The following NSD1 variants were observed in gnomAD, a reference collection of about 807,000 sequenced individuals.
The protein encoded by NSD1 is nuclear receptor binding SET domain protein 1, also known as histone-lysine N-methyltransferase, H3 lysine-36 specific.
Under a neutral mutation model 242.7 loss-of-function variants are expected in NSD1, and 26 were observed. The ratio of observed to expected loss-of-function variants is 0.11; its 90% CI spans 0.08 to 0.15. The LOEUF (loss-of-function observed/expected upper bound fraction) is 0.15. Among genes scored for constraint, NSD1 ranks in the 10% least tolerant of loss-of-function variants. The pLI, the probability that NSD1 is intolerant of heterozygous loss-of-function variation, is 1.00. For synonymous variants in NSD1, 1,106 were observed against 1,178.1 expected, an observed-to-expected ratio of 0.94 and a Z score of 1.25; for missense variants, 2,495 against 3,272.8, an observed-to-expected ratio of 0.76 and a Z score of 5.80.
chr5:177,223,777 G>A (rs1178289083), intron 5 of NSD1, among the ~76,000 whole-genome samples: 1 of 152,102 alleles, frequency 6.6e-6, no homozygotes, highest in Non-Finnish European at 1.5e-5. Context: ...GAGATCAGGA[G>A]TTCTAGACCA....
intron 2 of NSD1, among the ~76,000 whole-genome samples, chr5:177,165,054 C>T (rs1759076039): frequency 6.6e-6 from 1 of 151,532 alleles, no homozygotes; most frequent in South Asian, 2.1e-4. Flanking sequence ...ATCACTTGAA[C>T]TCAGAAGTTT....
At chr5:177,249,302 C>T in intron 11 of NSD1, among the ~76,000 whole-genome samples, 1 of 152,148 alleles carries the variant, frequency 6.6e-6, no homozygotes, top group East Asian at 1.9e-4. Flanking sequence ...AGCGAGACCC[C>T]TGTCTCTATT....
In NSD1 at chr5:177,267,515, G is replaced by T; in HGVS notation, c.5147-47G>T. ...TATGTGTATGGATGTACACATACAT[G>T]ACTTGCAGTCTTGTGATCTGAATGC... On this transcript the variant is annotated intron_variant, in intron 14 of 22. Coordinates refer to ENST00000439151, the MANE Select transcript of NSD1 (RefSeq NM_022455.5). 3 of 1,556,558 alleles carry T rather than the reference G, an allele frequency of 1.9e-6. No homozygotes were observed. The South Asian group carries it at 3.3e-5, about 17-fold the overall frequency.
At chr5:177,180,059 C>A (rs1377303884) in intron 2 of NSD1, among the ~76,000 whole-genome samples, 1 of 151,536 alleles carries the variant, frequency 6.6e-6, no homozygotes, top group Non-Finnish European at 1.5e-5. Context: ...TGCCAACACG[C>A]CTGGCTAATT....
chr5:177,218,248 A>G (rs1190809045), intron 5 of NSD1, among the ~76,000 whole-genome samples: 1 of 152,100 alleles, frequency 6.6e-6, no homozygotes, highest in African/African-American at 2.4e-5. Context: ...AGATTTTACT[A>G]TGTTGCCTAG....
rs774889795 is a variant in NSD1 at position 177,294,526 on chromosome 5, TCCG to T, written c.7164_7166del (p.Pro2389del). On this transcript the variant is annotated inframe_deletion, in exon 23 of 23. Coordinates refer to ENST00000439151, the MANE Select transcript of NSD1 (RefSeq NM_022455.5). ...CCTCAGTTCCCACTGGCCTGAGACTTCCGCCGCCAGACAGACTGCTCATTACTA... is the reference window on the plus strand; with the variant it reads ...CCTCAGTTCCCACTGGCCTGAGACTTCCGCCAGACAGACTGCTCATTACTA... The T allele has an allele frequency of 1.2e-6, 2 of 1,614,168 alleles. No homozygotes were observed. Among genetic ancestry groups the T allele is most frequent in the South Asian group, 2.2e-5 (2 of 91,086 alleles).
Position 177,238,570 on chromosome 5 carries a change from G to T in NSD1, c.4192+63G>T. 1 of 1,584,192 alleles carries T rather than the reference G, an allele frequency of 6.3e-7. No individual in the cohort carries two copies. The highest frequency in any genetic ancestry group is 8.6e-7 in the Non-Finnish European group (1 of 1,164,012). On this transcript the variant is annotated intron_variant, in intron 7 of 22. Coordinates refer to ENST00000439151, the MANE Select transcript of NSD1 (RefSeq NM_022455.5). This position sits in a 1 kb window ranked among gnomAD's most constrained non-coding sequence, Gnocchi z 4.6. ...TGATTAGAGGAAGCAGGAGATTTTAGTATGTTTTGATGTAAAGCCAACATT... is the reference window on the plus strand; with the variant it reads ...TGATTAGAGGAAGCAGGAGATTTTATTATGTTTTGATGTAAAGCCAACATT...
chr5:177,148,539 C>T (rs1453966351), intron 2 of NSD1, among the ~76,000 whole-genome samples: 4 of 151,860 alleles, frequency 2.6e-5, no homozygotes, highest in Admixed American at 2.6e-4. Context: ...ATTATCCCGC[C>T]TCAGGCTCCT....
intron 4 of NSD1, among the ~76,000 whole-genome samples, chr5:177,209,199 C>G (rs1194367859): frequency 1.3e-5 from 2 of 151,844 alleles, no homozygotes; most frequent in East Asian, 1.9e-4. Context: ...CTGGCTGGTT[C>G]CATAAAAGCA....
At chr5:177,191,417 G>A (rs887387336) in intron 2 of NSD1, among the ~76,000 whole-genome samples, 3 of 152,108 alleles carry the variant, frequency 2.0e-5, no homozygotes, top group African/African-American at 7.2e-5. Flanking sequence ...TTGTTAATAC[G>A]CTAATAGAAA....
intron 2 of NSD1, among the ~76,000 whole-genome samples, chr5:177,187,100 C>CTTTTTT: frequency 1.3e-5 from 1 of 76,530 alleles, no homozygotes; most frequent in South Asian, 4.6e-4. Context: ...TGTGACTTAA[C>CTTTTTT]TTTTTTTTTT....
intron 3 of NSD1, among the ~76,000 whole-genome samples, chr5:177,200,350 C>T (rs1485972311): frequency 1.3e-5 from 2 of 152,054 alleles, no homozygotes; most frequent in African/African-American, 4.8e-5. Context: ...CTTAAGTGAT[C>T]CTCCCGCCTC....
At chr5:177,188,974 C>T (rs1395900843) in intron 2 of NSD1, among the ~76,000 whole-genome samples, 2 of 151,900 alleles carry the variant, frequency 1.3e-5, no homozygotes, top group Admixed American at 6.6e-5. Context: ...GCTCAGGAGG[C>T]GAAGATTGCA....
In NSD1 at chr5:177,135,752, A is replaced by C; in HGVS notation, c.649A>C (p.Ser217Arg). ...AAGTGAACAAGACAGCACACCAGAGAGTAGACACGGTGCAGTCAAATCGCC... is the reference window on the plus strand; with the variant it reads ...AAGTGAACAAGACAGCACACCAGAGCGTAGACACGGTGCAGTCAAATCGCC... ...MGSEQDSTPE[S>R]RHGAVKSPFL... The change falls in exon 2 of 23, where the codon AGT becomes CGT. Residue 217 changes from serine to arginine, a missense_variant. This residue lies in a region of NSD1 where 376 missense variants were observed against 367.4 expected (regional missense o/e 1.02). Transcript: ENST00000439151. 1 of 1,614,210 alleles carries C rather than the reference A, an allele frequency of 6.2e-7. No homozygotes were observed. Among genetic ancestry groups the C allele is most frequent in the Non-Finnish European group, 8.5e-7 (1 of 1,180,032 alleles).
chr5:177,252,539 C>CTTT (rs70991600), intron 12 of NSD1, among the ~76,000 whole-genome samples: 548 of 47,416 alleles, frequency 0.012, 81 homozygotes, highest in African/African-American at 0.017. Context: ...GTAAAGTGTT[C>CTTT]TTTTTTTTTT....
At chr5:177,136,811 A>G (rs1756377332) in intron 2 of NSD1, 8 of 592,940 alleles carry the variant, frequency 1.3e-5, no homozygotes, top group East Asian at 1.1e-4. Context: ...GTTTTGTTTT[A>G]TTTTATTTTA....
chr5:177,197,930 C>G (rs1458534902), intron 3 of NSD1, among the ~76,000 whole-genome samples: 1 of 152,088 alleles, frequency 6.6e-6, no homozygotes, highest in Non-Finnish European at 1.5e-5. Context: ...GAGACAGAGA[C>G]AGAGAAGGGA....
chr5:177,246,849 G>A (rs1331688007), intron 10 of NSD1, 53 bp downstream of exon 10: 15 of 1,253,940 alleles, frequency 1.2e-5, no homozygotes, highest in South Asian at 4.8e-5. Context: ...TACTTTTCAC[G>A]CCAGAGGCCA....
rs978430605 is a variant in NSD1 at position 177,135,179 on chromosome 5, G to A, written c.76G>A (p.Glu26Lys). 1.2e-6 allele frequency: 2 copies of A among 1,614,030 alleles called. No individual in the cohort carries two copies. The highest frequency in any genetic ancestry group is 1.7e-5 in the Admixed American group (1 of 59,994). ...CAATCCAGTGAATTTAGATGCCCCT[G>A]AAGACAAGGACAGCCCTTTCGGTAA... Reference protein sequence around the residue: ...FSNPVNLDAPEDKDSPFGNGQ... With the variant: ...FSNPVNLDAPKDKDSPFGNGQ... The change falls in exon 2 of 23, where the codon GAA becomes AAA. Residue 26 changes from glutamate to lysine, a missense_variant. By Grantham distance (56) the Glu-to-Lys change is moderately conservative. Around this residue, in one of 19 missense-constraint regions of NSD1, gnomAD observed 376 missense variants for 367.4 expected, o/e 1.02. Coordinates refer to ENST00000439151, the MANE Select transcript of NSD1 (RefSeq NM_022455.5).
Sources: gnomAD v4.1 joint callset for allele counts (sites outside exome capture counted in the v4.1 genomes callset) on GRCh38, gnomAD v4.1.1 for gene constraint, gnomAD v4.1.1 regional missense constraint, Gnocchi (gnomAD v3.1) non-coding constraint, MANE v1.5 for transcripts, NCBI Gene and HGNC (gene_info 2026-07-23, HGNC 2026-07-21) for gene names.